Variants in LYPLAL1 observed in about 807,000 individuals in gnomAD.
The protein encoded by LYPLAL1 is lysophospholipase like 1.
Under a neutral mutation model 19.7 loss-of-function variants are expected in LYPLAL1, and 23 were observed. The ratio of observed to expected loss-of-function variants is 1.17; its 90% confidence interval spans 0.84 to 1.65. LYPLAL1 has a LOEUF of 1.65. Among genes scored for constraint, LYPLAL1 ranks in the 40% most tolerant of loss-of-function variants. The pLI is 0.00. For synonymous variants in LYPLAL1, 119 were observed against 96.3 expected (o/e 1.24, Z -1.38); for missense variants, 355 against 279.4 (o/e 1.27, Z -1.93).
chr1:219,182,671 C>T (rs1656392036), intron 2 of LYPLAL1, among the ~76,000 whole-genome samples: 1 of 152,082 alleles, frequency 6.6e-6, no homozygotes, highest in African/African-American at 2.4e-5. Context: ...ATATTGTCCA[C>T]ATTTCTGGTA....
At chr1:219,323,592 C>T in the LYPLAL1 span, among the ~76,000 whole-genome samples, 1 of 152,102 alleles carries the variant, frequency 6.6e-6, no homozygotes, top group Non-Finnish European at 1.5e-5. Flanking sequence ...GGCTCTGTTA[C>T]GGCTGCTCCA....
chr1:219,367,425 C>T, the LYPLAL1 span, among the ~76,000 whole-genome samples: 1 of 151,960 alleles, frequency 6.6e-6, no homozygotes, highest in Non-Finnish European at 1.5e-5. Flanking sequence ...ACTCCAAAAA[C>T]CATTTTTATA....
chr1:219,281,212 TTGGCATGAAATTAGTTAAAC>T, the LYPLAL1 span, among the ~76,000 whole-genome samples: 8 of 152,204 alleles, frequency 5.3e-5, no homozygotes, highest in Non-Finnish European at 1.0e-4. Flanking sequence ...ATCTTTTCCT[TTGGCATGAAATTAGTTAAAC>T]TGGCATGTAA....
At chr1:219,438,888 A>G in the LYPLAL1 span, among the ~76,000 whole-genome samples, 1 of 152,210 alleles carries the variant, frequency 6.6e-6, no homozygotes. Flanking sequence ...TTAGTATGTC[A>G]ATGGTTAATT....
chr1:219,348,794 C>G, the LYPLAL1 span, among the ~76,000 whole-genome samples: 1 of 152,100 alleles, frequency 6.6e-6, no homozygotes, highest in Admixed American at 6.5e-5. Flanking sequence ...GATTGAGTGC[C>G]TGCTATATAT....
the LYPLAL1 span, among the ~76,000 whole-genome samples, chr1:219,312,126 G>A: frequency 6.6e-6 from 1 of 152,130 alleles, no homozygotes; most frequent in Non-Finnish European, 1.5e-5. Context: ...GTTTGGGAAA[G>A]GTGCTTTCCC....
chr1:219,229,268 A>G, the LYPLAL1 span, among the ~76,000 whole-genome samples: 2 of 149,848 alleles, frequency 1.3e-5, no homozygotes, highest in Admixed American at 6.7e-5. Context: ...CTGAACTCCC[A>G]TGGACATAGG....
At chr1:219,352,726 C>T in the LYPLAL1 span, among the ~76,000 whole-genome samples, 9 of 152,098 alleles carry the variant, frequency 5.9e-5, 1 homozygote. Context: ...AGCCTAGAGA[C>T]AAAGTTTCCC....
the LYPLAL1 span, among the ~76,000 whole-genome samples, chr1:219,268,466 G>A: frequency 1.9e-4 from 29 of 152,272 alleles, 1 homozygote; most frequent in Admixed American, 1.6e-3. Flanking sequence ...TGGAGGAAAT[G>A]GGCTGGAGAA....
In LYPLAL1 at chr1:219,179,221, ATTAT is replaced by A; in HGVS notation, c.171_174del (p.Tyr58GlnfsTer11). 6.2e-7 allele frequency: 1 copy of A among 1,611,878 alleles called. No homozygotes were observed. Among genetic ancestry groups the A allele is most frequent in the East Asian group, 2.2e-5 (1 of 44,724 alleles). On this transcript the variant is annotated frameshift_variant, in exon 2 of 5. Transcript: ENST00000366928. LOFTEE classifies it high-confidence loss of function. ...AGATTTAACATTCCAACACATAAAAATTATTTATCCAACAGCTCCTCCCAGGTAT... is the reference window on the plus strand; with the variant it reads ...AGATTTAACATTCCAACACATAAAAATTATCCAACAGCTCCTCCCAGGTAT...
the LYPLAL1 span, among the ~76,000 whole-genome samples, chr1:219,286,071 A>G: frequency 6.6e-6 from 1 of 152,152 alleles, no homozygotes; most frequent in South Asian, 2.1e-4. Flanking sequence ...TCCCACAGGC[A>G]AGCAGATAAC....
chr1:219,207,961 T>C (rs920664636), intron 3 of LYPLAL1, among the ~76,000 whole-genome samples: 3 of 152,030 alleles, frequency 2.0e-5, no homozygotes, highest in Non-Finnish European at 4.4e-5. Context: ...TTTTTTATTC[T>C]CTGTGTCTCA....
chr1:219,236,770 T>G, the LYPLAL1 span, among the ~76,000 whole-genome samples: 1 of 152,182 alleles, frequency 6.6e-6, no homozygotes, highest in Admixed American at 6.5e-5. Flanking sequence ...AAATTTTAAC[T>G]TCTGGGGTAC....
the LYPLAL1 span, among the ~76,000 whole-genome samples, chr1:219,340,450 C>T: frequency 2.0e-5 from 3 of 151,952 alleles, no homozygotes; most frequent in African/African-American, 7.2e-5. Flanking sequence ...ACACAACCAA[C>T]CAATTAAGAG....
At chr1:219,381,463 A>C in the LYPLAL1 span, among the ~76,000 whole-genome samples, 4 of 152,206 alleles carry the variant, frequency 2.6e-5, no homozygotes, top group Non-Finnish European at 2.9e-5. Flanking sequence ...GACTCACATA[A>C]GGTCTCTATT....
chr1:219,185,429 A>G (rs905353126), intron 2 of LYPLAL1, among the ~76,000 whole-genome samples: 1 of 151,846 alleles, frequency 6.6e-6, no homozygotes, highest in African/African-American at 2.4e-5. Context: ...TTTACATTAA[A>G]TCTATACATT....
At chr1:219,424,628 A>G in the LYPLAL1 span, among the ~76,000 whole-genome samples, 1 of 152,132 alleles carries the variant, frequency 6.6e-6, no homozygotes, top group Admixed American at 6.5e-5. Context: ...ACATCCTCAT[A>G]CCAACATCAT....
chr1:219,259,189 A>G, the LYPLAL1 span, among the ~76,000 whole-genome samples: 9 of 152,020 alleles, frequency 5.9e-5, no homozygotes, highest in Admixed American at 1.3e-4. Context: ...TACAACCACT[A>G]TGGAAAACAA....
the LYPLAL1 span, among the ~76,000 whole-genome samples, chr1:219,353,095 T>C: frequency 2.0e-5 from 3 of 152,116 alleles, no homozygotes; most frequent in African/African-American, 7.2e-5. Context: ...AATGTAATGT[T>C]TAGGAGAAGT....
Sources: allele counts gnomAD v4.1 joint callset (sites outside exome capture counted in the v4.1 genomes callset), GRCh38; gene constraint gnomAD v4.1.1; transcripts MANE v1.5; gene names NCBI Gene and HGNC (gene_info 2026-07-23, HGNC 2026-07-21).